C10orf67: variants seen among roughly 807,000 people sequenced by gnomAD.
C10orf67 encodes chromosome 10 open reading frame 67.
C10orf67 carries 60 observed loss-of-function variants against 35.6 expected under a neutral mutation model. The ratio of observed to expected loss-of-function variants is 1.68; its 90% CI spans 1.37 to 2.09. The LOEUF (loss-of-function observed/expected upper bound fraction) is 2.09. Among genes scored for constraint, C10orf67 ranks in the 30% most tolerant of loss-of-function variants. C10orf67 has a pLI of 0.00. For synonymous variants in C10orf67, 167 were observed against 115.8 expected (o/e 1.44, Z -2.84); for missense variants, 474 against 330.2 (o/e 1.44, Z -3.38).
At chr10:23,279,202 C>T (rs1247304385) in intron 8 of C10orf67, among the ~76,000 whole-genome samples, 2 of 152,202 alleles carry the variant, frequency 1.3e-5, no homozygotes, top group Non-Finnish European at 2.9e-5. Context: ...TCACTGATAG[C>T]GAGACAGGGA....
At chr10:23,208,692 A>G (rs756895301) in intron 15 of C10orf67, among the ~76,000 whole-genome samples, 2 of 152,250 alleles carry the variant, frequency 1.3e-5, no homozygotes, top group African/African-American at 2.4e-5. Context: ...GGTAAAACCT[A>G]GAAGGCTAAG....
intron 10 of C10orf67, among the ~76,000 whole-genome samples, chr10:23,255,875 G>A (rs1842587350): frequency 6.6e-6 from 1 of 152,132 alleles, no homozygotes; most frequent in Admixed American, 6.5e-5. Flanking sequence ...TCTGCATCAA[G>A]ACTTGTCTGG....
At chr10:23,279,662 G>C (rs117458428) in intron 8 of C10orf67, among the ~76,000 whole-genome samples, 25 of 152,184 alleles carry the variant, frequency 1.6e-4, no homozygotes, top group Non-Finnish European at 3.2e-4. Context: ...CCTCTCTTTT[G>C]TTAACTTCAA....
chr10:23,228,514 A>G (rs1268870067), intron 13 of C10orf67, among the ~76,000 whole-genome samples: 1 of 152,236 alleles, frequency 6.6e-6, no homozygotes, highest in Admixed American at 6.5e-5. Context: ...AATACCATTC[A>G]GGACATAGGC....
At chr10:23,259,925 G>A (rs998529956) in intron 10 of C10orf67, among the ~76,000 whole-genome samples, 1 of 151,932 alleles carries the variant, frequency 6.6e-6, no homozygotes, top group Non-Finnish European at 1.5e-5. Flanking sequence ...TAAGAGTTGT[G>A]GAACAACATC....
intron 2 of C10orf67, among the ~76,000 whole-genome samples, chr10:23,328,685 TAA>T (rs57874839): frequency 0.48 from 66,816 of 137,882 alleles, 16,642 homozygotes; most frequent in African/African-American, 0.67. Context: ...CTCAAGAGAT[TAA>T]AAAAAAAAAA....
intron 4 of C10orf67, among the ~76,000 whole-genome samples, chr10:23,304,340 G>GC (rs777554164): frequency 1.8e-4 from 28 of 152,186 alleles, no homozygotes; most frequent in Admixed American, 7.8e-4. Context: ...CCAAAGGCAG[G>GC]CCCACTGATT....
rs189175475 is a variant in C10orf67 at position 23,216,729 on chromosome 10, C to T, written c.1570+6869G>A. Reference sequence around the variant, plus strand: ...TATAGGTAAAAATTAAGAACACATACTTCCACCATCATGGATATAATGCTT... The same window carrying T: ...TATAGGTAAAAATTAAGAACACATATTTCCACCATCATGGATATAATGCTT... On this transcript the variant is annotated intron_variant, in intron 15 of 15. Transcript: ENST00000636213. Among the ~76,000 whole-genome samples, 181 of 152,262 alleles carry T rather than the reference C, an allele frequency of 1.2e-3. 2 individuals carry two copies. Among genetic ancestry groups the T allele is most frequent in the African/African-American group, 3.9e-3 (164 of 41,562 alleles).
rs1214845221 is a variant in C10orf67, at chr10:23,203,598, A to C, written c.*575T>G. 2.0e-5 allele frequency: 3 copies of C among 152,244 alleles called. No individual in the cohort carries two copies. The highest frequency in any genetic ancestry group is 4.8e-5 in the African/African-American group (2 of 41,456). The allele number at this position is 152,244 out of a possible 1,614,324, so 9.4% of individuals were successfully genotyped here. ...CAGAATCTTGGTTTGCATCCTTACC[A>C]GGAAGCAAAACTCCAAAGAGTTTCC... On this transcript the variant is annotated 3_prime_UTR_variant, in exon 16 of 16. Coordinates refer to ENST00000636213, the MANE Select transcript of C10orf67 (RefSeq NM_001371909.1).
chr10:23,288,760 A>T (rs892681402), intron 7 of C10orf67, among the ~76,000 whole-genome samples: 7 of 152,212 alleles, frequency 4.6e-5, no homozygotes, highest in African/African-American at 1.7e-4. Flanking sequence ...TCTGATTTTA[A>T]TCCATTTTAA....
At chr10:23,320,430 T>C (rs1844899368) in intron 4 of C10orf67, among the ~76,000 whole-genome samples, 1 of 152,206 alleles carries the variant, frequency 6.6e-6, no homozygotes, top group African/African-American at 2.4e-5. Context: ...CTACAGATTC[T>C]CTGAACTCTC....
At chr10:23,253,981 A>T (rs929489848) in intron 10 of C10orf67, among the ~76,000 whole-genome samples, 1 of 152,224 alleles carries the variant, frequency 6.6e-6, no homozygotes, top group African/African-American at 2.4e-5. Flanking sequence ...CTCTGTCCAC[A>T]TTAAACTGTC....
At chr10:23,294,210 A>C (rs1843810869) in intron 5 of C10orf67, among the ~76,000 whole-genome samples, 1 of 152,152 alleles carries the variant, frequency 6.6e-6, no homozygotes, top group Non-Finnish European at 1.5e-5. Flanking sequence ...GCCACTCTTG[A>C]ATGACAGCTC....
At chr10:23,208,690 C>A (rs1260536237) in intron 15 of C10orf67, among the ~76,000 whole-genome samples, 4 of 152,170 alleles carry the variant, frequency 2.6e-5, no homozygotes, top group Non-Finnish European at 4.4e-5. Context: ...AAGGTAAAAC[C>A]TAGAAGGCTA....
rs150082123 is a variant in C10orf67, at chr10:23,231,217, C to T, written c.1435-7399G>A. Among the ~76,000 whole-genome samples the T allele has an allele frequency of 9.0e-4, 137 of 152,276 alleles. 1 individual carries two copies. The highest frequency in any genetic ancestry group is 3.1e-3 in the African/African-American group (127 of 41,554). ...GGTATTTGGCTGCATAGACAGAGAG[C>T]ACCTTTCTCAGTCTGTCTTGCAATT... is the stretch of plus-strand genomic sequence containing the variant. On this transcript the variant is annotated intron_variant, in intron 13 of 15. Coordinates refer to ENST00000636213, the MANE Select transcript of C10orf67 (RefSeq NM_001371909.1).
chr10:23,254,913 T>C (rs1360314046), intron 10 of C10orf67, among the ~76,000 whole-genome samples: 1 of 152,208 alleles, frequency 6.6e-6, no homozygotes, highest in East Asian at 1.9e-4. Flanking sequence ...TTTACCTCTA[T>C]ACCCTTTAAA....
intron 10 of C10orf67, among the ~76,000 whole-genome samples, chr10:23,251,511 T>A (rs983829576): frequency 1.3e-5 from 2 of 152,164 alleles, no homozygotes; most frequent in African/African-American, 4.8e-5. Flanking sequence ...AATGAATGAA[T>A]CTCTAATAGC....
intron 12 of C10orf67, among the ~76,000 whole-genome samples, chr10:23,246,078 C>T (rs1049642023): frequency 1.3e-5 from 2 of 152,280 alleles, no homozygotes; most frequent in East Asian, 1.9e-4. Flanking sequence ...AAGCCATTAT[C>T]GTAAACAAAC....
At chr10:23,252,360 C>T (rs375197055) in intron 10 of C10orf67, among the ~76,000 whole-genome samples, 12 of 152,226 alleles carry the variant, frequency 7.9e-5, no homozygotes, top group African/African-American at 2.2e-4. Context: ...AAAAAAGTTT[C>T]TGTTGAATGT....
Sources: gnomAD v4.1 joint callset for allele counts (sites outside exome capture counted in the v4.1 genomes callset) on GRCh38, gnomAD v4.1.1 for gene constraint, MANE v1.5 for transcripts, NCBI Gene and HGNC (gene_info 2026-07-23, HGNC 2026-07-21) for gene names.